Variants in HCN2 observed in about 807,000 individuals in gnomAD.
HCN2 encodes potassium/sodium hyperpolarization-activated cyclic nucleotide-gated channel 2.
A neutral mutation model predicts 52.3 loss-of-function variants in HCN2; 20 were observed. The observed-to-expected ratio is 0.38, with a 90% CI of 0.27 to 0.56. The LOEUF is 0.56. Among genes scored for constraint, HCN2 ranks in the 20% least tolerant of loss-of-function variants. The probability of loss-of-function intolerance (pLI) is 0.71; values close to 1 mark genes in which losing one functional copy is unlikely to be tolerated. For synonymous variants in HCN2, 694 were observed against 537.0 expected (o/e 1.29, Z -4.04); for missense variants, 981 against 1,207.7 (o/e 0.81, Z 2.78).
In HCN2 at chr19:603,541, C is replaced by T; in HGVS notation, c.633-3C>T. ...CCTGAGGTGTGGGCACCCTCGCCCC[C>T]AGGTTCTACTGGGACTTCACCATGC... On this transcript the variant is annotated splice_polypyrimidine_tract_variant and splice_region_variant and intron_variant, in intron 1 of 7. Coordinates refer to ENST00000251287, the MANE Select transcript of HCN2 (RefSeq NM_001194.4). 6.2e-7 allele frequency: 1 copy of T among 1,600,106 alleles called. No individual in the cohort carries two copies. The highest frequency in any genetic ancestry group is 2.2e-5 in the East Asian group (1 of 44,624).
chr19:608,460 C>A (rs975681522), intron 4 of HCN2, among the ~76,000 whole-genome samples: 1 of 152,046 alleles, frequency 6.6e-6, no homozygotes, highest in Non-Finnish European at 1.5e-5. Flanking sequence ...AGGGCAGAGA[C>A]CGCGTGATGG....
rs1982875564 is a variant in HCN2, at chr19:591,623, TGGGGCCCGCC to T, written c.632+1050_632+1059del. Among the ~76,000 whole-genome samples the T allele has an allele frequency of 6.6e-6, 1 of 150,960 alleles. No individual in the cohort carries two copies. Among genetic ancestry groups the T allele is most frequent in the African/African-American group, 2.4e-5 (1 of 41,002 alleles). ...GGAGGGTGCAGGTGGAGGGTGTAGG[TGGGGCCCGCC>T]GGGCTAGCGAGGCCGGGCGCGCGGG... is the stretch of plus-strand genomic sequence containing the variant. On this transcript the variant is annotated intron_variant, in intron 1 of 7. Transcript: ENST00000251287. This position sits in a 1 kb window ranked among gnomAD's most constrained non-coding sequence, Gnocchi z 4.1.
At chr19:614,556 G>A (rs924473683) in intron 7 of HCN2, among the ~76,000 whole-genome samples, 2 of 152,182 alleles carry the variant, frequency 1.3e-5, no homozygotes, top group South Asian at 2.1e-4. Context: ...AGATGTGTTC[G>A]TGGAGTGGAC....
chr19:594,228 G>A (rs967459441), intron 1 of HCN2, among the ~76,000 whole-genome samples: 7 of 152,148 alleles, frequency 4.6e-5, no homozygotes, highest in East Asian at 1.9e-4. Context: ...CGGTGTCACC[G>A]AGGGGGCTGG....
chr19:606,272 C>T (rs1208032442), intron 3 of HCN2, among the ~76,000 whole-genome samples: 1 of 151,936 alleles, frequency 6.6e-6, no homozygotes, highest in East Asian at 2.0e-4. Flanking sequence ...GGATAATTTT[C>T]GTACTTTTAG....
chr19:611,539 C>T (rs1983638290), intron 5 of HCN2, among the ~76,000 whole-genome samples: 1 of 152,222 alleles, frequency 6.6e-6, no homozygotes, highest in South Asian at 2.1e-4. Flanking sequence ...GGGGCGTGTA[C>T]ACCCGTTGCT....
intron 2 of HCN2, 67 bp downstream of exon 2, chr19:604,034 A>G: frequency 8.0e-7 from 1 of 1,243,936 alleles, no homozygotes; most frequent in Non-Finnish European, 1.1e-6. Context: ...GGGCGGGGCC[A>G]AGGCAGCAGG....
Position 603,845 on chromosome 19 carries a change from A to G in HCN2, c.934A>G (p.Ile312Val), listed in dbSNP as rs1412046389. Residue 312 changes from isoleucine (I) to valine (V), a missense_variant, in exon 2 of 8, where the codon ATT (isoleucine) becomes GTT (valine). By Grantham distance (29) the Ile-to-Val change is conservative. Coordinates refer to ENST00000251287, the MANE Select transcript of HCN2 (RefSeq NM_001194.4). ...DYIFLIVEKG[I>V]DSEVYKTARA... ...CATCTTCCTTATCGTGGAGAAGGGC[A>G]TTGACTCCGAGGTCTACAAGACGGC... 1.2e-6 allele frequency: 2 copies of G among 1,612,486 alleles called. No homozygotes were observed. Among genetic ancestry groups the G allele is most frequent in the Non-Finnish European group, 1.7e-6 (2 of 1,179,868 alleles).
intron 4 of HCN2, among the ~76,000 whole-genome samples, chr19:609,995 G>A (rs948084167): frequency 6.6e-6 from 1 of 152,256 alleles, no homozygotes; most frequent in African/African-American, 2.4e-5. Context: ...CCGCCCCTGT[G>A]TGTGGCGGAG....
In HCN2 at chr19:590,410, G is replaced by A. The variant is rs765384588; in HGVS notation, c.465G>A (p.Pro155=). ...AGGAGGCGGGCCCGGCGGGGGAGCC[G>A]CGCGGCAGCCAGGCCAGCTTCATGC... The part of the protein sequence containing the change: ...GSEEAGPAGE[P]RGSQASFMQR... Residue 155 remains proline (P), a synonymous_variant, in exon 1 of 8, where the codon CCG becomes CCA. Coordinates refer to ENST00000251287, the MANE Select transcript of HCN2 (RefSeq NM_001194.4). The surrounding 1 kb of genome is among the most constrained non-coding windows in gnomAD (Gnocchi z 7.2). 2 of 1,363,934 alleles carry A rather than the reference G, an allele frequency of 1.5e-6. No individual in the cohort carries two copies. The highest frequency in any genetic ancestry group is 4.8e-5 in the Admixed American group (2 of 41,452). The allele number at this position is 1,363,934 out of a possible 1,614,324, so 84.5% of individuals were successfully genotyped here. A position where few individuals can be genotyped will look rare whatever the true frequency, so the allele number is the denominator to read the frequency against.
chr19:615,729 G>A, intron 7 of HCN2, 66 bp from the exon 8 acceptor site: 3 of 1,543,546 alleles, frequency 1.9e-6, no homozygotes, highest in Non-Finnish European at 2.7e-6. Flanking sequence ...TGCAGAGTAG[G>A]TGCTCGGTGC....
intron 1 of HCN2, among the ~76,000 whole-genome samples, chr19:594,642 C>T (rs951934699): frequency 1.3e-5 from 2 of 152,252 alleles, no homozygotes; most frequent in African/African-American, 2.4e-5. Flanking sequence ...TCTGCAAATC[C>T]GCAGTGATGA....
chr19:604,441 A>C (rs116638365), intron 2 of HCN2, among the ~76,000 whole-genome samples: 1 of 101,984 alleles, frequency 9.8e-6, no homozygotes. Flanking sequence ...CAGCAGGGGC[A>C]GGGCTATGAT....
Position 616,306 on chromosome 19 carries a change from CG to C in HCN2, c.2503del (p.Ala835ArgfsTer92), listed in dbSNP as rs1320179295. On this transcript the variant is annotated frameshift_variant, in exon 8 of 8. Coordinates refer to ENST00000251287, the MANE Select transcript of HCN2 (RefSeq NM_001194.4). LOFTEE classifies it low-confidence loss of function (END_TRUNC). Reference sequence around the variant, plus strand: ...CGCTGCCTCACGGCGCCCCCGGCCCCGCGGCCTCCACACGCCCGGCCAGCAG... The same window carrying C: ...CGCTGCCTCACGGCGCCCCCGGCCCCCGGCCTCCACACGCCCGGCCAGCAG... ...PSLPHGAPGP[A>X]ASTRPASSST... The C allele has an allele frequency of 1.8e-6, 2 of 1,111,090 alleles. No homozygotes were observed. Among genetic ancestry groups the C allele is most frequent in the Non-Finnish European group, 2.2e-6 (2 of 908,286 alleles). The allele number at this position is 1,111,090 out of a possible 1,614,324, so 68.8% of individuals were successfully genotyped here.
At chr19:593,697 G>C (rs537894855) in intron 1 of HCN2, among the ~76,000 whole-genome samples, 1 of 152,114 alleles carries the variant, frequency 6.6e-6, no homozygotes, top group Admixed American at 6.5e-5. Flanking sequence ...TCTACACCCC[G>C]GCCTGACGTC....
chr19:605,023 G>A (rs747807632), intron 2 of HCN2, 38 bp from the exon 3 acceptor site: 5 of 1,591,788 alleles, frequency 3.1e-6, no homozygotes, highest in East Asian at 4.5e-5. Flanking sequence ...GGGGCCGGGG[G>A]TCAGCGGGTA....
intron 4 of HCN2, 128 bp from the exon 5 acceptor site, chr19:610,131 C>T: frequency 2.7e-6 from 3 of 1,130,086 alleles, no homozygotes; most frequent in Admixed American, 2.0e-5. Context: ...AAGCAGGTGC[C>T]CGTGTGCCCG....
At chr19:604,808 G>GGT (rs1983359945) in intron 2 of HCN2, among the ~76,000 whole-genome samples, 2 of 123,004 alleles carry the variant, frequency 1.6e-5, no homozygotes, top group Admixed American at 1.6e-4. Flanking sequence ...GTGTCCTAGG[G>GGT]CGGGGGCTGT....
At chr19:594,323 A>G (rs1482188514) in intron 1 of HCN2, among the ~76,000 whole-genome samples, 1 of 151,956 alleles carries the variant, frequency 6.6e-6, no homozygotes, top group Non-Finnish European at 1.5e-5. Flanking sequence ...TGTCGGGTGG[A>G]GAGAGGCTGG....
Sources: allele counts gnomAD v4.1 joint callset (sites outside exome capture counted in the v4.1 genomes callset), GRCh38; gene constraint gnomAD v4.1.1; non-coding constraint Gnocchi (gnomAD v3.1); transcripts MANE v1.5; gene names NCBI Gene and HGNC (gene_info 2026-07-23, HGNC 2026-07-21).